Variants in TMEM255B observed in about 807,000 individuals in gnomAD.
The protein encoded by TMEM255B is family with sequence similarity 70, member B.
A neutral mutation model predicts 34.5 loss-of-function variants in TMEM255B; 35 were observed. The ratio of observed to expected loss-of-function variants is 1.01; its 90% CI spans 0.77 to 1.34. The LOEUF (loss-of-function observed/expected upper bound fraction) is 1.34, where lower values mean the gene tolerates loss of function less well. Ranked by LOEUF, TMEM255B falls within the 40% of genes most tolerant of loss-of-function variation. The probability of loss-of-function intolerance (pLI) is 0.00; values close to 1 mark genes in which losing one functional copy is unlikely to be tolerated. For synonymous variants in TMEM255B, 206 were observed against 201.2 expected, an observed-to-expected ratio of 1.02 and a Z score of -0.20; for missense variants, 432 against 433.2, an observed-to-expected ratio of 1.00 and a Z score of 0.02.
chr13:113,782,329 T>C (rs2138543889), intron 3 of TMEM255B, among the ~76,000 whole-genome samples: 1 of 152,352 alleles, frequency 6.6e-6, no homozygotes, highest in South Asian at 2.1e-4. Context: ...ACCTAAATAA[T>C]GAAATAGCTG....
rs1319385986 is a variant in TMEM255B, at chr13:113,775,339, C to T, written c.252+6179C>T. ...GCCGCCTTCCTTGCGCCCTGCTTAG[C>T]TTCTGCTCAGGGCCTCGCTGTCGTG... On this transcript the variant is annotated intron_variant, in intron 3 of 8. Coordinates refer to ENST00000375353, the MANE Select transcript of TMEM255B (RefSeq NM_182614.4). Among the ~76,000 whole-genome samples the T allele has an allele frequency of 5.9e-5, 9 of 152,370 alleles. No individual in the cohort carries two copies. In the East Asian group the frequency reaches 1.7e-3, roughly 29 times the overall value.
At chr13:113,762,455 A>G (rs2050324073) in intron 1 of TMEM255B, among the ~76,000 whole-genome samples, 1 of 152,208 alleles carries the variant, frequency 6.6e-6, no homozygotes, top group South Asian at 2.1e-4. Context: ...TGTGATAGGA[A>G]TGCTGATAAA....
chr13:113,788,051 G>A (rs1324520890), intron 3 of TMEM255B, among the ~76,000 whole-genome samples: 1 of 68,752 alleles, frequency 1.5e-5, no homozygotes, highest in African/African-American at 5.7e-5. Context: ...GGAGGGAGTG[G>A]GGATGGGCAG....
chr13:113,812,109 C>T lies in TMEM255B; in HGVS notation c.*206C>T. The stretch of plus-strand genomic sequence containing the variant: ...GCCCTCCAGACCCAGGCTGGTGACA[C>T]CTTGGCTTGGGCTCTGCTCACATCA... On this transcript the variant is annotated 3_prime_UTR_variant, in exon 9 of 9. Transcript: ENST00000375353. The T allele has an allele frequency of 3.1e-6, 2 of 638,602 alleles. No individual in the cohort carries two copies. The highest frequency in any genetic ancestry group is 2.1e-5 in the South Asian group (1 of 48,418). 39.6% of individuals were successfully genotyped at this position (638,602 alleles called of 1,614,324 possible).
chr13:113,765,507 T>C (rs1318812306), intron 1 of TMEM255B, among the ~76,000 whole-genome samples: 1 of 152,256 alleles, frequency 6.6e-6, no homozygotes, highest in Non-Finnish European at 1.5e-5. Flanking sequence ...CACACAAATG[T>C]TGATTTTCAA....
At chr13:113,761,299 G>C in intron 1 of TMEM255B, 2 of 985,196 alleles carry the variant, frequency 2.0e-6, no homozygotes, top group Non-Finnish European at 2.4e-6. Context: ...AGAGGAAATG[G>C]GTCTGAGGGG....
chr13:113,780,305 G>A (rs973925471), intron 3 of TMEM255B, among the ~76,000 whole-genome samples: 2 of 152,210 alleles, frequency 1.3e-5, no homozygotes, highest in Non-Finnish European at 2.9e-5. Flanking sequence ...AAAATAACCA[G>A]TTTCTCCAAT....
At chr13:113,777,266 C>T (rs1242127057) in intron 3 of TMEM255B, among the ~76,000 whole-genome samples, 3 of 151,944 alleles carry the variant, frequency 2.0e-5, no homozygotes, top group African/African-American at 4.8e-5. Flanking sequence ...TCTCCCTCTC[C>T]TCTATCTCTC....
chr13:113,800,715 T>C, intron 5 of TMEM255B, 112 bp from the exon 6 acceptor site: 1 of 983,346 alleles, frequency 1.0e-6, no homozygotes, highest in Non-Finnish European at 1.5e-6. Context: ...AGGCAGCTGC[T>C]TGGCTGGGCC....
rs374921381 is a variant in TMEM255B, at chr13:113,766,304, G to A, written c.189+47G>A. The stretch of plus-strand genomic sequence containing the variant: ...CCTGGGCCGGGGAGGGCAGGGTGGT[G>A]TGTGGCTCTCTCAGGGTGGAGTCCA... On this transcript the variant is annotated intron_variant, in intron 2 of 8. Coordinates refer to ENST00000375353, the MANE Select transcript of TMEM255B (RefSeq NM_182614.4). 6 of 1,611,442 alleles carry A rather than the reference G, an allele frequency of 3.7e-6. No homozygotes were observed. In the African/African-American group the frequency reaches 5.3e-5, roughly 14 times the overall value.
intron 3 of TMEM255B, among the ~76,000 whole-genome samples, chr13:113,783,210 C>G (rs767047398): frequency 7.9e-5 from 12 of 152,150 alleles, no homozygotes; most frequent in Non-Finnish European, 1.6e-4. Flanking sequence ...TGTAATTTCT[C>G]TGAGTTTTTC....
chr13:113,797,026 C>G (rs2050954686), intron 4 of TMEM255B, among the ~76,000 whole-genome samples: 1 of 152,260 alleles, frequency 6.6e-6, no homozygotes, highest in Admixed American at 6.5e-5. Flanking sequence ...ACTTGCTATT[C>G]TATGGCTTCC....
intron 3 of TMEM255B, among the ~76,000 whole-genome samples, chr13:113,781,007 T>C (rs377628016): frequency 6.0e-4 from 92 of 152,342 alleles, no homozygotes; most frequent in African/African-American, 2.1e-3. Context: ...CCAAACACCA[T>C]TGCATATTTG....
Position 113,770,958 on chromosome 13 carries a change from A to G in TMEM255B, c.252+1798A>G, listed in dbSNP as rs1028411393. ...CTTTGGCGATGCACAGGATGGGTGG[A>G]CAGTGTGGGTCTGTTTTTCTTTCCT... On this transcript the variant is annotated intron_variant, in intron 3 of 8. Transcript: ENST00000375353. The surrounding 1 kb of genome is among the most constrained non-coding windows in gnomAD (Gnocchi z 4.6). 6.6e-6 allele frequency among the ~76,000 whole-genome samples: 1 copy of G among 152,188 alleles called. No individual in the cohort carries two copies. Among genetic ancestry groups the G allele is most frequent in the African/African-American group, 2.4e-5 (1 of 41,448 alleles).
At chr13:113,759,634 C>CT (rs2050262360) in intron 1 of TMEM255B, among the ~76,000 whole-genome samples, 1 of 152,068 alleles carries the variant, frequency 6.6e-6, no homozygotes, top group Non-Finnish European at 1.5e-5. Context: ...TTCCTCTTGG[C>CT]CTCTCTCTCC....
Position 113,812,482 on chromosome 13 carries a change from A to G in TMEM255B, c.*579A>G, listed in dbSNP as rs1443513569. On this transcript the variant is annotated 3_prime_UTR_variant, in exon 9 of 9. Coordinates refer to ENST00000375353, the MANE Select transcript of TMEM255B (RefSeq NM_182614.4). ...GTTGTCTTTCCCAGCCCCGGATGCA[A>G]ATCTGCCTGGGCCACTGGCACGAGG... is the stretch of plus-strand genomic sequence containing the variant. 6.5e-6 allele frequency: 1 copy of G among 153,094 alleles called. No individual in the cohort carries two copies. Among genetic ancestry groups the G allele is most frequent in the Non-Finnish European group, 1.5e-5 (1 of 68,678 alleles). The allele number at this position is 153,094 out of a possible 1,614,324, so 9.5% of individuals were successfully genotyped here. A position where few individuals can be genotyped will look rare whatever the true frequency, so the allele number is the denominator to read the frequency against.
Position 113,815,912 on chromosome 13 carries a change from G to A in TMEM255B, c.*4009G>A, listed in dbSNP as rs1305677947. On this transcript the variant is annotated 3_prime_UTR_variant, in exon 9 of 9. Coordinates refer to ENST00000375353, the MANE Select transcript of TMEM255B (RefSeq NM_182614.4). ...ACACAGTGCTCAGGGAAGGACACCA[G>A]ACATGAAGACTGTGTTCTGTTTATA... 1 of 154,382 alleles carries A rather than the reference G, an allele frequency of 6.5e-6. No homozygotes were observed. Among genetic ancestry groups the A allele is most frequent in the Non-Finnish European group, 1.4e-5 (1 of 69,302 alleles). The allele number at this position is 154,382 out of a possible 1,614,324, so 9.6% of individuals were successfully genotyped here.
chr13:113,766,335 GCT>G, intron 2 of TMEM255B, 78 bp downstream of exon 2: 1 of 1,595,336 alleles, frequency 6.3e-7, no homozygotes, highest in Non-Finnish European at 8.6e-7. Context: ...GTCCACGCCA[GCT>G]CACAGGGCTG....
chr13:113,776,266 T>C (rs1165599878), intron 3 of TMEM255B, among the ~76,000 whole-genome samples: 1 of 152,240 alleles, frequency 6.6e-6, no homozygotes, highest in African/African-American at 2.4e-5. Flanking sequence ...CCTTCTTTTC[T>C]GGCTGCCTGG....
Sources: allele counts gnomAD v4.1 joint callset (sites outside exome capture counted in the v4.1 genomes callset), GRCh38; gene constraint gnomAD v4.1.1; non-coding constraint Gnocchi (gnomAD v3.1); transcripts MANE v1.5; gene names NCBI Gene and HGNC (gene_info 2026-07-23, HGNC 2026-07-21).